The following LHFPL3 variants were observed in gnomAD, a reference collection of about 807,000 sequenced individuals.
LHFPL3 encodes the protein LHFPL tetraspan subfamily member 3.
A neutral mutation model predicts 19.3 loss-of-function variants in LHFPL3; 5 were observed. The observed-to-expected ratio is 0.26, with a 90% CI of 0.14 to 0.54. The LOEUF is 0.54. LHFPL3 is among the 20% of genes least tolerant of loss of function. The probability of loss-of-function intolerance (pLI) is 0.94; values close to 1 mark genes in which losing one functional copy is unlikely to be tolerated. For synonymous variants in LHFPL3, 133 were observed against 126.2 expected (o/e 1.05, Z -0.36); for missense variants, 249 against 307.4 (o/e 0.81, Z 1.42).
At chr7:104,534,735 C>T (rs1025861667) in intron 1 of LHFPL3, among the ~76,000 whole-genome samples, 1 of 152,132 alleles carries the variant, frequency 6.6e-6, no homozygotes. Context: ...TTATAGATTG[C>T]TTTTATATCC....
intron 1 of LHFPL3, among the ~76,000 whole-genome samples, chr7:104,699,484 A>C (rs538489138): frequency 6.6e-6 from 1 of 152,296 alleles, no homozygotes; most frequent in East Asian, 1.9e-4. Flanking sequence ...GTGCGGTTCC[A>C]TGAGTAGTCA....
At chr7:104,636,624 A>G (rs1261932890) in intron 1 of LHFPL3, among the ~76,000 whole-genome samples, 1 of 152,052 alleles carries the variant, frequency 6.6e-6, no homozygotes, top group African/African-American at 2.4e-5. Flanking sequence ...AGGTAAGAAC[A>G]TGTGGTGTTT....
At chr7:104,650,130 T>G (rs767967937) in intron 1 of LHFPL3, among the ~76,000 whole-genome samples, 1 of 152,170 alleles carries the variant, frequency 6.6e-6, no homozygotes, top group African/African-American at 2.4e-5. Context: ...AGAGCACAAG[T>G]CTGCAGTTGC....
At chr7:104,477,540 C>A (rs12333888) in intron 1 of LHFPL3, among the ~76,000 whole-genome samples, 49,318 of 151,840 alleles carry the variant, frequency 0.32, 8,333 homozygotes, top group Non-Finnish European at 0.37. Flanking sequence ...TAAGTAGGAG[C>A]TAAATCATGA....
chr7:104,465,036 A>G (rs1460587190), intron 1 of LHFPL3, among the ~76,000 whole-genome samples: 6 of 152,114 alleles, frequency 3.9e-5, no homozygotes, highest in South Asian at 2.1e-4. Flanking sequence ...GATACCCTAT[A>G]TCATCTCTCT....
chr7:104,773,204 G>A (rs1794587514), intron 2 of LHFPL3, among the ~76,000 whole-genome samples: 2 of 152,222 alleles, frequency 1.3e-5, no homozygotes, highest in African/African-American at 4.8e-5. Flanking sequence ...AGGGCAGTGA[G>A]GGGCCACTGG....
intron 2 of LHFPL3, among the ~76,000 whole-genome samples, chr7:104,814,995 G>A (rs1334688037): frequency 1.3e-5 from 2 of 152,154 alleles, no homozygotes; most frequent in African/African-American, 2.4e-5. Context: ...CTGCAGCTGC[G>A]CCTGGGCTCC....
intron 2 of LHFPL3, among the ~76,000 whole-genome samples, chr7:104,740,005 A>G (rs963125993): frequency 1.3e-5 from 2 of 152,132 alleles, no homozygotes; most frequent in African/African-American, 4.8e-5. Flanking sequence ...ATGGGAAGTG[A>G]TTAGATCATG....
intron 2 of LHFPL3, among the ~76,000 whole-genome samples, chr7:104,770,902 G>T (rs1209405889): frequency 6.6e-6 from 1 of 152,254 alleles, no homozygotes; most frequent in East Asian, 1.9e-4. Flanking sequence ...CCCACCGCAT[G>T]CCCGTCATCC....
At chr7:104,797,007 A>G (rs1431550729) in intron 2 of LHFPL3, 1 of 152,668 alleles carries the variant, frequency 6.6e-6, no homozygotes, top group African/African-American at 2.4e-5. Context: ...ATGGCATCTC[A>G]TTAGCCTGAA....
At chr7:104,369,330 C>T (rs1487258973) in intron 1 of LHFPL3, among the ~76,000 whole-genome samples, 1 of 152,180 alleles carries the variant, frequency 6.6e-6, no homozygotes, top group Non-Finnish European at 1.5e-5. Context: ...CAATATGTGG[C>T]CTTTTGCACT....
intron 2 of LHFPL3, among the ~76,000 whole-genome samples, chr7:104,833,063 A>AATAGATATATTAT (rs1554349430): frequency 2.8e-5 from 2 of 71,586 alleles, no homozygotes; most frequent in African/African-American, 6.3e-5. Flanking sequence ...TATTATATAT[A>AATAGATATATTAT]ATATATATAT....
At chr7:104,599,824 C>T (rs1790930055) in intron 1 of LHFPL3, among the ~76,000 whole-genome samples, 1 of 152,176 alleles carries the variant, frequency 6.6e-6, no homozygotes, top group African/African-American at 2.4e-5. Context: ...AACCAAAGTG[C>T]CTCTGCTAGC....
At chr7:104,770,669 T>C (rs1794535187) in intron 2 of LHFPL3, among the ~76,000 whole-genome samples, 1 of 152,178 alleles carries the variant, frequency 6.6e-6, no homozygotes, top group African/African-American at 2.4e-5. Context: ...TGGACATCAG[T>C]AATCAATCCT....
At chr7:104,581,655 T>C (rs922350032) in intron 1 of LHFPL3, among the ~76,000 whole-genome samples, 1 of 152,060 alleles carries the variant, frequency 6.6e-6, no homozygotes, top group African/African-American at 2.4e-5. Context: ...ATCTATAATC[T>C]ATCTCAAATT....
intron 1 of LHFPL3, among the ~76,000 whole-genome samples, chr7:104,599,910 T>A (rs1325263806): frequency 6.6e-6 from 1 of 152,194 alleles, no homozygotes; most frequent in Non-Finnish European, 1.5e-5. Flanking sequence ...TTGTGCTGAC[T>A]TAAAACTTTT....
chr7:104,777,112 A>G (rs750917392), intron 2 of LHFPL3, among the ~76,000 whole-genome samples: 41 of 152,200 alleles, frequency 2.7e-4, no homozygotes, highest in African/African-American at 8.4e-4. Flanking sequence ...GAGCAAAAGT[A>G]TAGCCCATAG....
rs533095872 is a variant in LHFPL3 at position 104,650,646 on chromosome 7, C to T, written c.446-86029C>T. 3.3e-5 allele frequency among the ~76,000 whole-genome samples: 5 copies of T among 152,196 alleles called. 1 individual carries two copies. In the Middle Eastern group the frequency reaches 0.01, roughly 313 times the overall value. ...GTTGATAATATTTAGAAAGCTTTTT[C>T]GGCCTGAAGAAGTAAACACTTTAAC... is the stretch of plus-strand genomic sequence containing the variant. On this transcript the variant is annotated intron_variant, in intron 1 of 2. Transcript: ENST00000424859.
In LHFPL3 at chr7:104,470,437, T is replaced by G. The variant is rs540200494; in HGVS notation, c.445+141213T>G. 2.6e-5 allele frequency among the ~76,000 whole-genome samples: 4 copies of G among 152,310 alleles called. No homozygotes were observed. In the South Asian group the frequency reaches 8.3e-4, roughly 32 times the overall value. On this transcript the variant is annotated intron_variant, in intron 1 of 2. Transcript: ENST00000424859. Reference sequence around the variant, plus strand: ...TGTGTGTAACAGGATTTTAAAGCATTTGTAATATCTCAATTTAAACTAAAT... The same window carrying G: ...TGTGTGTAACAGGATTTTAAAGCATGTGTAATATCTCAATTTAAACTAAAT...
Sources: gnomAD v4.1 joint callset for allele counts (sites outside exome capture counted in the v4.1 genomes callset) on GRCh38, gnomAD v4.1.1 for gene constraint, MANE v1.5 for transcripts, NCBI Gene and HGNC (gene_info 2026-07-23, HGNC 2026-07-21) for gene names.